The following AFAP1 variants were observed in gnomAD, a reference collection of about 807,000 sequenced individuals.
AFAP1 encodes actin filament associated protein 1.
In AFAP1, 75 loss-of-function variants were observed where a neutral mutation model predicts 93.9. That is an observed-to-expected ratio of 0.80 (90% CI 0.66 to 0.97). The LOEUF is 0.97. AFAP1 is among the 50% of genes least tolerant of loss of function. The pLI is 0.00. For synonymous variants in AFAP1, 517 were observed against 430.7 expected, an observed-to-expected ratio of 1.20 and a Z score of -2.48; for missense variants, 1,201 against 1,050.8, an observed-to-expected ratio of 1.14 and a Z score of -1.98.
chr4:7,902,029 C>T (rs1242490241), intron 1 of AFAP1, among the ~76,000 whole-genome samples: 1 of 152,154 alleles, frequency 6.6e-6, no homozygotes, highest in Non-Finnish European at 1.5e-5. Context: ...ATATTTGAAA[C>T]ACAATAGAGA....
intron 1 of AFAP1, among the ~76,000 whole-genome samples, chr4:7,874,593 C>T (rs766294781): frequency 2.4e-5 from 3 of 127,610 alleles, no homozygotes; most frequent in Non-Finnish European, 3.1e-5. Context: ...CCATGTTAGC[C>T]GGGATGGTCT....
At chr4:7,794,664 G>A (rs1260340447) in intron 10 of AFAP1, among the ~76,000 whole-genome samples, 1 of 151,696 alleles carries the variant, frequency 6.6e-6, no homozygotes, top group Admixed American at 6.6e-5. Context: ...TGGGACTACA[G>A]GTGCTCACCA....
chr4:7,937,125 A>ACATCTTATGTG (rs1721431831), intron 1 of AFAP1, among the ~76,000 whole-genome samples: 1 of 152,250 alleles, frequency 6.6e-6, no homozygotes, highest in Non-Finnish European at 1.5e-5. Flanking sequence ...TGCACATAAA[A>ACATCTTATGTG]CAATTATGAA....
chr4:7,844,977 C>T lies in AFAP1; in HGVS notation c.335-1627G>A, dbSNP rs1485431201. Reference sequence around the variant, plus strand: ...ACTGTGCAAAATGGCAGAGTCTGCACAGAAGAGAACTCATATTTTTACTTG... The same window carrying T: ...ACTGTGCAAAATGGCAGAGTCTGCATAGAAGAGAACTCATATTTTTACTTG... On this transcript the variant is annotated intron_variant, in intron 4 of 17. Coordinates refer to ENST00000420658, the MANE Select transcript of AFAP1 (RefSeq NM_001134647.2). Among the ~76,000 whole-genome samples, 3 of 152,230 alleles carry T rather than the reference C, an allele frequency of 2.0e-5. No individual in the cohort carries two copies. The East Asian group carries it at 5.8e-4, about 29-fold the overall frequency.
intron 4 of AFAP1, among the ~76,000 whole-genome samples, chr4:7,851,751 C>T (rs115055579): frequency 3.4e-4 from 52 of 152,344 alleles, no homozygotes; most frequent in African/African-American, 1.1e-3. Context: ...CAACAGCAGA[C>T]GGCAACATCA....
intron 1 of AFAP1, among the ~76,000 whole-genome samples, chr4:7,906,805 G>A (rs1719428192): frequency 6.6e-6 from 1 of 152,186 alleles, no homozygotes; most frequent in Admixed American, 6.5e-5. Context: ...TGGATCACCT[G>A]AGGTCGGAAG....
chr4:7,861,837 A>T (rs1715739680), intron 3 of AFAP1: 1 of 152,278 alleles, frequency 6.6e-6, no homozygotes, highest in Non-Finnish European at 1.5e-5. Flanking sequence ...ATCTTACGCC[A>T]CAGGAAAATG....
chr4:7,825,954 T>TA (rs56032709), intron 6 of AFAP1, among the ~76,000 whole-genome samples: 13,931 of 133,704 alleles, frequency 0.1, 1,176 homozygotes, highest in East Asian at 0.49. Context: ...TGGATATGCT[T>TA]AAAAAAAAAA....
chr4:7,866,231 C>T (rs1716384464), intron 3 of AFAP1, among the ~76,000 whole-genome samples: 1 of 150,374 alleles, frequency 6.7e-6, no homozygotes, highest in African/African-American at 2.5e-5. Context: ...GAGTCTCGCT[C>T]TGTCACCCAG....
chr4:7,834,848 C>A (rs1281162473), intron 6 of AFAP1, among the ~76,000 whole-genome samples: 1 of 152,232 alleles, frequency 6.6e-6, no homozygotes, highest in African/African-American at 2.4e-5. Flanking sequence ...CAAATATAAA[C>A]CTGCCTTTGA....
At chr4:7,894,566 C>T (rs1273470155) in intron 1 of AFAP1, among the ~76,000 whole-genome samples, 1 of 152,108 alleles carries the variant, frequency 6.6e-6, no homozygotes, top group Admixed American at 6.5e-5. Context: ...TGAAGGGTGA[C>T]CATGCTCCTT....
rs906219713 is a variant in AFAP1, at chr4:7,761,508, G to C, written c.*2257C>G. The C allele has an allele frequency of 3.3e-5, 5 of 152,262 alleles. No individual in the cohort carries two copies. The highest frequency in any genetic ancestry group is 6.5e-5 in the Admixed American group (1 of 15,292). The allele number at this position is 152,262 out of a possible 1,614,324, so 9.4% of individuals were successfully genotyped here. A position where few individuals can be genotyped will look rare whatever the true frequency, so the allele number is the denominator to read the frequency against. On this transcript the variant is annotated 3_prime_UTR_variant, in exon 18 of 18. Coordinates refer to ENST00000420658, the MANE Select transcript of AFAP1 (RefSeq NM_001134647.2). ...CTGGTGGGTGACGGCTAAGGCCCAC[G>C]TGACACTTTGCGTGCTGCTCACACT...
At chr4:7,898,725 C>G (rs867215852) in intron 1 of AFAP1, among the ~76,000 whole-genome samples, 1 of 150,822 alleles carries the variant, frequency 6.6e-6, no homozygotes, top group Non-Finnish European at 1.5e-5. Flanking sequence ...AACTTAAGGA[C>G]GCTCTCAACT....
At chr4:7,911,308 G>A (rs577250213) in intron 1 of AFAP1, among the ~76,000 whole-genome samples, 1 of 152,268 alleles carries the variant, frequency 6.6e-6, no homozygotes, top group Non-Finnish European at 1.5e-5. Context: ...CAGCCGGAGG[G>A]GGGAAGGGTC....
At chr4:7,848,233 TGGAGGGAGGAAG>T (rs1560197272) in intron 4 of AFAP1, among the ~76,000 whole-genome samples, 2 of 33,718 alleles carry the variant, frequency 5.9e-5, no homozygotes. Flanking sequence ...GAGGGACGGA[TGGAGGGAGGAAG>T]GGAGGGAGGG....
intron 1 of AFAP1, among the ~76,000 whole-genome samples, chr4:7,904,375 T>C (rs987225625): frequency 1.1e-4 from 16 of 152,194 alleles, no homozygotes; most frequent in African/African-American, 3.6e-4. Flanking sequence ...ACACTATCTA[T>C]ATGGAATTCA....
intron 1 of AFAP1, among the ~76,000 whole-genome samples, chr4:7,925,510 C>G (rs1720676629): frequency 6.6e-6 from 1 of 152,032 alleles, no homozygotes; most frequent in Middle Eastern, 3.4e-3. Context: ...GTTGGGAGTT[C>G]AAGACCAGCC....
chr4:7,813,998 G>A (rs1000827991), intron 8 of AFAP1, among the ~76,000 whole-genome samples: 1 of 152,264 alleles, frequency 6.6e-6, no homozygotes, highest in African/African-American at 2.4e-5. Context: ...CAAACAGGCT[G>A]TCTGGTTTTG....
At chr4:7,766,405 C>T (rs1297119617) in intron 17 of AFAP1, among the ~76,000 whole-genome samples, 4 of 152,274 alleles carry the variant, frequency 2.6e-5, no homozygotes, top group East Asian at 1.9e-4. Context: ...GTTACCTCCG[C>T]GTGGTGCCAC....
Sources: gnomAD v4.1 joint callset for allele counts (sites outside exome capture counted in the v4.1 genomes callset) on GRCh38, gnomAD v4.1.1 for gene constraint, MANE v1.5 for transcripts, NCBI Gene and HGNC (gene_info 2026-07-23, HGNC 2026-07-21) for gene names.